The following NRG2 variants were observed in gnomAD, a reference collection of about 807,000 sequenced individuals.
NRG2 encodes pro-neuregulin-2, membrane-bound isoform.
A neutral mutation model predicts 73.9 loss-of-function variants in NRG2; 27 were observed. The ratio of observed to expected loss-of-function variants is 0.37; its 90% CI spans 0.27 to 0.50. The LOEUF (loss-of-function observed/expected upper bound fraction) is 0.50. Among genes scored for constraint, NRG2 ranks in the 20% least tolerant of loss-of-function variants. NRG2 has a pLI of 0.96. For synonymous variants in NRG2, 532 were observed against 541.0 expected, an observed-to-expected ratio of 0.98 and a Z score of 0.23; for missense variants, 1,126 against 1,210.1, an observed-to-expected ratio of 0.93 and a Z score of 1.03.
chr5:139,938,402 G>A (rs1036611771), intron 1 of NRG2, among the ~76,000 whole-genome samples: 10 of 151,892 alleles, frequency 6.6e-5, no homozygotes, highest in African/African-American at 2.4e-4. Flanking sequence ...TGTCTCCCAG[G>A]CTGGAGTGCA....
chr5:140,017,425 C>A (rs553249005), intron 1 of NRG2, among the ~76,000 whole-genome samples: 3 of 152,026 alleles, frequency 2.0e-5, no homozygotes, highest in South Asian at 2.1e-4. Flanking sequence ...TAGTTGGAGA[C>A]CATATTTTAA....
At chr5:139,857,695 A>G (rs886119355) in intron 5 of NRG2, among the ~76,000 whole-genome samples, 1 of 152,038 alleles carries the variant, frequency 6.6e-6, no homozygotes, top group African/African-American at 2.4e-5. Context: ...CCACGACCAA[A>G]GAGAATCCCT....
intron 1 of NRG2, among the ~76,000 whole-genome samples, chr5:140,028,111 T>C (rs1760846695): frequency 6.6e-6 from 1 of 152,208 alleles, no homozygotes; most frequent in African/African-American, 2.4e-5. Flanking sequence ...TGTAGGATTC[T>C]AGATTGGGTC....
chr5:139,926,844 T>C (rs990564557), intron 1 of NRG2, among the ~76,000 whole-genome samples: 1 of 152,198 alleles, frequency 6.6e-6, no homozygotes, highest in Non-Finnish European at 1.5e-5. Context: ...ATGGATTGAA[T>C]CTCCATTCGC....
At chr5:139,998,767 AG>A (rs10709128) in intron 1 of NRG2, among the ~76,000 whole-genome samples, 152,286 of 152,286 alleles carry the variant, frequency 1, 76,143 homozygotes, top group Non-Finnish European at 1. Context: ...CTACCATCCA[AG>A]GGCAAAGAAC....
Position 139,990,949 on chromosome 5 carries a change from T to C in NRG2, c.700+51421A>G, listed in dbSNP as rs185432802. 4.4e-3 allele frequency among the ~76,000 whole-genome samples: 664 copies of C among 152,290 alleles called. 2 individuals are homozygous for C. Among genetic ancestry groups the C allele is most frequent in the Non-Finnish European group, 7.8e-3 (528 of 68,016 alleles). On this transcript the variant is annotated intron_variant, in intron 1 of 9. Transcript: ENST00000361474. ...AGACCTTTTTCCAGTCTGTAAATTG[T>C]CTTTTCACTTTCTTTAAGCGGTCTT...
intron 3 of NRG2, among the ~76,000 whole-genome samples, chr5:139,875,492 GA>G (rs908095093): frequency 3.3e-5 from 5 of 152,146 alleles, no homozygotes; most frequent in African/African-American, 1.2e-4. Context: ...TTCTTTGGGG[GA>G]AAAAAGTGCC....
chr5:139,961,928 G>A (rs951679433), intron 1 of NRG2, among the ~76,000 whole-genome samples: 8 of 152,182 alleles, frequency 5.3e-5, no homozygotes, highest in African/African-American at 9.7e-5. Context: ...TGTGGGGGCC[G>A]AGGCAGCCCC....
At position 139,847,595 on chromosome 5, in the gene NRG2, G is replaced by C. The variant is rs1465945665; in HGVS notation, c.*322C>G. ...AGCCCCAGATGAGCATACAGCAAAA[G>C]GCACCACAAAATAGGTTTCTATTAA... On this transcript the variant is annotated 3_prime_UTR_variant, in exon 10 of 10. Coordinates refer to ENST00000361474, the MANE Select transcript of NRG2 (RefSeq NM_004883.3). 1 of 193,866 alleles carries C rather than the reference G, an allele frequency of 5.2e-6. No homozygotes were observed. Among genetic ancestry groups the C allele is most frequent in the Admixed American group, 6.3e-5 (1 of 15,948 alleles). The allele number at this position is 193,866 out of a possible 1,614,324, so 12.0% of individuals were successfully genotyped here. A position where few individuals can be genotyped will look rare whatever the true frequency, so the allele number is the denominator to read the frequency against.
At chr5:139,959,034 G>T (rs558926090) in intron 1 of NRG2, among the ~76,000 whole-genome samples, 1 of 152,302 alleles carries the variant, frequency 6.6e-6, no homozygotes, top group South Asian at 2.1e-4. Flanking sequence ...ATGCTGCAGG[G>T]CAGACTGGGG....
chr5:139,852,671 A>G lies in NRG2; in HGVS notation c.1417-112T>C. 3 of 1,498,350 alleles carry G rather than the reference A, an allele frequency of 2.0e-6. No individual in the cohort carries two copies. The highest frequency in any genetic ancestry group is 2.7e-6 in the Non-Finnish European group (3 of 1,101,876). 92.8% of individuals were successfully genotyped at this position (1,498,350 alleles called of 1,614,324 possible). A position where few individuals can be genotyped will look rare whatever the true frequency, so the allele number is the denominator to read the frequency against. On this transcript the variant is annotated intron_variant, in intron 7 of 9. Coordinates refer to ENST00000361474, the MANE Select transcript of NRG2 (RefSeq NM_004883.3). The surrounding 1 kb of genome is among the most constrained non-coding windows in gnomAD (Gnocchi z 4.4). ...ACTGAGCTCCTGGTTGGGGAGACCC[A>G]CTGTGTGAGAGTGACTTGATGTTGG...
intron 1 of NRG2, among the ~76,000 whole-genome samples, chr5:139,893,248 TTC>T (rs917021674): frequency 6.6e-6 from 1 of 152,208 alleles, no homozygotes; most frequent in African/African-American, 2.4e-5. Context: ...TATTTCATTG[TTC>T]AGATGAGCAT....
intron 1 of NRG2, among the ~76,000 whole-genome samples, chr5:139,909,125 A>G (rs143298511): frequency 9.8e-5 from 15 of 152,376 alleles, no homozygotes; most frequent in Non-Finnish European, 2.2e-4. Flanking sequence ...GGACGCTAAT[A>G]GTAACATAAC....
At chr5:140,005,202 T>G (rs965946666) in intron 1 of NRG2, among the ~76,000 whole-genome samples, 1 of 152,174 alleles carries the variant, frequency 6.6e-6, no homozygotes, top group Non-Finnish European at 1.5e-5. Context: ...TTGAAGTATC[T>G]GTCTTCCCAT....
chr5:139,851,650 A>G lies in NRG2; in HGVS notation c.1726T>C (p.Tyr576His), dbSNP rs1761431332. 1 of 1,613,976 alleles carries G rather than the reference A, an allele frequency of 6.2e-7. No individual in the cohort carries two copies. Among genetic ancestry groups the G allele is most frequent in the African/African-American group, 1.3e-5 (1 of 74,918 alleles). Residue 576 changes from tyrosine (Y) to histidine (H), a missense_variant, in exon 9 of 10, where the codon TAT becomes CAT. By Grantham distance (83) the Tyr-to-His change is moderately conservative. This residue lies in a region of NRG2 where 539 missense variants were observed against 703.2 expected (regional missense o/e 0.77). Transcript: ENST00000361474. The surrounding 1 kb of genome is among the most constrained non-coding windows in gnomAD (Gnocchi z 4.2). ...CGAAGGGAGTCCACGGAATCGTGAT[A>G]GGGTGGCGCGGTGGCCCTGCGCCGC... ...EERRRATAPP[Y>H]HDSVDSLRDS...
At chr5:139,922,502 TA>T (rs1177287909) in intron 1 of NRG2, among the ~76,000 whole-genome samples, 34 of 152,344 alleles carry the variant, frequency 2.2e-4, no homozygotes, top group African/African-American at 8.2e-4. Context: ...TTGCTGGTGG[TA>T]ATGTCAAACA....
chr5:139,961,167 T>TG (rs1365001847), intron 1 of NRG2, among the ~76,000 whole-genome samples: 2 of 152,156 alleles, frequency 1.3e-5, no homozygotes, highest in Non-Finnish European at 2.9e-5. Context: ...GCCTTGGTAG[T>TG]GGGGGTTTCG....
intron 4 of NRG2, among the ~76,000 whole-genome samples, chr5:139,867,582 C>T (rs1219923365): frequency 1.3e-5 from 2 of 152,102 alleles, no homozygotes; most frequent in African/African-American, 4.8e-5. Flanking sequence ...AACTGATGTC[C>T]ACTTGTGATG....
intron 3 of NRG2, among the ~76,000 whole-genome samples, chr5:139,875,904 T>C (rs573807244): frequency 6.6e-6 from 1 of 152,322 alleles, no homozygotes; most frequent in East Asian, 1.9e-4. Flanking sequence ...TGTAAAATAG[T>C]GTAGCTGCTT....
Sources: gnomAD v4.1 joint callset for allele counts (sites outside exome capture counted in the v4.1 genomes callset) on GRCh38, gnomAD v4.1.1 for gene constraint, gnomAD v4.1.1 regional missense constraint, Gnocchi (gnomAD v3.1) non-coding constraint, MANE v1.5 for transcripts, NCBI Gene and HGNC (gene_info 2026-07-23, HGNC 2026-07-21) for gene names.